ZBTB8OS: variants seen among roughly 807,000 people sequenced by gnomAD.
ZBTB8OS encodes tRNA splicing ligase complex subunit 1, also known as tRNA-splicing ligase-activating factor archease.
In ZBTB8OS, 16 loss-of-function variants were observed where a neutral mutation model predicts 29.3. That is an observed-to-expected ratio of 0.55 (90% CI 0.37 to 0.83). ZBTB8OS has a LOEUF of 0.83. ZBTB8OS is among the 40% of genes least tolerant of loss of function. The pLI, the probability that ZBTB8OS is intolerant of heterozygous loss-of-function variation, is 0.00. For synonymous variants in ZBTB8OS, 70 were observed against 64.6 expected, an observed-to-expected ratio of 1.08 and a Z score of -0.40; for missense variants, 160 against 196.9, an observed-to-expected ratio of 0.81 and a Z score of 1.12.
intron 6 of ZBTB8OS, among the ~76,000 whole-genome samples, chr1:32,625,185 T>G (rs1015614629): frequency 6.6e-6 from 1 of 150,500 alleles, no homozygotes; most frequent in African/African-American, 2.5e-5. Context: ...GTCACGTCAC[T>G]GCACTCCAGC....
At chr1:32,625,449 G>C (rs991807192) in intron 6 of ZBTB8OS, among the ~76,000 whole-genome samples, 1 of 152,066 alleles carries the variant, frequency 6.6e-6, no homozygotes, top group Non-Finnish European at 1.5e-5. Flanking sequence ...CAGGAGAATC[G>C]CTTGAACCTG....
upstream of ZBTB8OS, chr1:32,650,587 T>C (rs765340914): frequency 4.3e-6 from 7 of 1,613,566 alleles, no homozygotes; most frequent in East Asian, 2.2e-5. Context: ...CGGCCCGGAG[T>C]TACTACTTCC....
At chr1:32,631,524 G>A (rs921252101) in intron 5 of ZBTB8OS, among the ~76,000 whole-genome samples, 1 of 152,162 alleles carries the variant, frequency 6.6e-6, no homozygotes, top group African/African-American at 2.4e-5. Context: ...AATAGGTCTA[G>A]AAGTGAGAAC....
At chr1:32,637,211 A>G (rs1199008067) in intron 1 of ZBTB8OS, among the ~76,000 whole-genome samples, 2 of 152,072 alleles carry the variant, frequency 1.3e-5, no homozygotes, top group Non-Finnish European at 2.9e-5. Context: ...ACCTGTTTTC[A>G]CTGCTCTGAG....
intron 1 of ZBTB8OS, among the ~76,000 whole-genome samples, chr1:32,643,093 A>C (rs1476843444): frequency 1.0e-5 from 1 of 100,356 alleles, no homozygotes; most frequent in South Asian, 3.7e-4. Flanking sequence ...TTTTTGAGAT[A>C]GAGTTTCGCT....
intron 6 of ZBTB8OS, among the ~76,000 whole-genome samples, chr1:32,624,503 A>G (rs1328123267): frequency 1.3e-5 from 2 of 152,218 alleles, no homozygotes; most frequent in African/African-American, 4.8e-5. Flanking sequence ...GAGAAGGTAA[A>G]GACAGTATTA....
intron 4 of ZBTB8OS, among the ~76,000 whole-genome samples, chr1:32,633,104 A>C (rs1015711141): frequency 3.9e-5 from 6 of 152,184 alleles, no homozygotes; most frequent in Admixed American, 2.0e-4. Flanking sequence ...TCCTTTTTTC[A>C]TGTTAAGGAA....
intron 4 of ZBTB8OS, 89 bp from the exon 5 acceptor site, chr1:32,631,968 C>A: frequency 2.0e-6 from 1 of 498,652 alleles, no homozygotes; most frequent in South Asian, 3.0e-5. Context: ...TTTTTTTGGA[C>A]CATCTACTAA....
Position 32,634,598 on chromosome 1 carries a change from G to A in ZBTB8OS, c.122+170C>T. The A allele has an allele frequency of 4.0e-6, 3 of 750,608 alleles. No homozygotes were observed. In the Admixed American group the frequency reaches 6.7e-5, roughly 17 times the overall value. The allele number at this position is 750,608 out of a possible 1,614,324, so 46.5% of individuals were successfully genotyped here. ...GCTGGGGTGCAGTGGTGCAATCTCGGCTCACTGAGCCACTGAACCCTGCAA... is the reference window on the plus strand; with the variant it reads ...GCTGGGGTGCAGTGGTGCAATCTCGACTCACTGAGCCACTGAACCCTGCAA... On this transcript the variant is annotated intron_variant, in intron 2 of 6. Transcript: ENST00000468695.
At chr1:32,622,164 T>C (rs549945454) in intron 6 of ZBTB8OS, among the ~76,000 whole-genome samples, 1 of 152,302 alleles carries the variant, frequency 6.6e-6, no homozygotes, top group East Asian at 1.9e-4. Flanking sequence ...GACATGGAAC[T>C]CTAATCCTGG....
chr1:32,635,203 A>G (rs967614423), intron 1 of ZBTB8OS, among the ~76,000 whole-genome samples: 1 of 152,140 alleles, frequency 6.6e-6, no homozygotes, highest in African/African-American at 2.4e-5. Context: ...GGAAAACCAG[A>G]AAGTAACAAA....
chr1:32,637,285 C>T (rs1439454926), intron 1 of ZBTB8OS, among the ~76,000 whole-genome samples: 4 of 150,976 alleles, frequency 2.6e-5, no homozygotes, highest in Admixed American at 1.3e-4. Context: ...AGAATCTGGC[C>T]GGGCGCGGTG....
intron 1 of ZBTB8OS, among the ~76,000 whole-genome samples, chr1:32,640,693 G>A (rs927542042): frequency 1.8e-4 from 28 of 151,874 alleles, no homozygotes. Context: ...TGTTTTGTAA[G>A]AGACAGGGTT....
At position 32,627,507 on chromosome 1, in the gene ZBTB8OS, C is replaced by T; in HGVS notation, c.417+1G>A. The T allele has an allele frequency of 6.2e-7, 1 of 1,613,460 alleles. No individual in the cohort carries two copies. The highest frequency in any genetic ancestry group is 8.5e-7 in the Non-Finnish European group (1 of 1,179,728). ...CTTAATGGCTGGATTTTAAAACATA[C>T]CTGAGGGTGCTTGGACAATGAAAAT... On this transcript the variant is annotated splice_donor_variant, in intron 6 of 6. Coordinates refer to ENST00000468695, the MANE Select transcript of ZBTB8OS (RefSeq NM_178547.5). LOFTEE classifies it high-confidence loss of function.
rs1162633378 is a variant in ZBTB8OS at position 32,621,690 on chromosome 1, A to C, written c.*172T>G. On this transcript the variant is annotated 3_prime_UTR_variant, in exon 7 of 7. Coordinates refer to ENST00000468695, the MANE Select transcript of ZBTB8OS (RefSeq NM_178547.5). ...GTGAATATTTGGGGAACACAGACCA[A>C]GGCTGTGCCCTGATTTTCCCTTTCT... The C allele has an allele frequency of 5.0e-6, 3 of 596,864 alleles. No homozygotes were observed. In the African/African-American group the frequency reaches 5.7e-5, roughly 11 times the overall value. The allele number at this position is 596,864 out of a possible 1,614,324, so 37.0% of individuals were successfully genotyped here. A position where few individuals can be genotyped will look rare whatever the true frequency, so the allele number is the denominator to read the frequency against.
intron 1 of ZBTB8OS, among the ~76,000 whole-genome samples, chr1:32,648,954 G>A (rs1248918910): frequency 2.3e-5 from 3 of 130,504 alleles, no homozygotes; most frequent in Non-Finnish European, 4.7e-5. Flanking sequence ...GTGAGCCACA[G>A]CACCAGGCCT....
At chr1:32,630,761 G>A (rs78556571) in intron 5 of ZBTB8OS, among the ~76,000 whole-genome samples, 16,008 of 149,590 alleles carry the variant, frequency 0.11, 1,512 homozygotes, top group African/African-American at 0.25. Context: ...CTGTAATCTC[G>A]ACACTTTGGG....
At chr1:32,643,375 T>C (rs1232731046) in intron 1 of ZBTB8OS, among the ~76,000 whole-genome samples, 1 of 118,106 alleles carries the variant, frequency 8.5e-6, no homozygotes, top group East Asian at 2.6e-4. Flanking sequence ...ACTTGGCCTT[T>C]AGTTTTTGTT....
intron 1 of ZBTB8OS, among the ~76,000 whole-genome samples, chr1:32,650,232 G>A (rs999202383): frequency 6.6e-6 from 1 of 152,114 alleles, no homozygotes; most frequent in Non-Finnish European, 1.5e-5. Context: ...GGGAGGCCAG[G>A]TTTCGCGACT....
Sources: allele counts gnomAD v4.1 joint callset (sites outside exome capture counted in the v4.1 genomes callset), GRCh38; gene constraint gnomAD v4.1.1; transcripts MANE v1.5; gene names NCBI Gene and HGNC (gene_info 2026-07-23, HGNC 2026-07-21).